Variants in MAP3K5 observed in about 807,000 individuals in gnomAD.
MAP3K5 encodes the protein mitogen-activated protein kinase kinase kinase 5, also known as ASK-1.
MAP3K5 carries 56 observed loss-of-function variants against 158.7 expected under a neutral mutation model. The ratio of observed to expected loss-of-function variants is 0.35; its 90% CI spans 0.28 to 0.44. MAP3K5 has a LOEUF of 0.44. MAP3K5 is among the 20% of genes least tolerant of loss of function. The pLI, the probability that MAP3K5 is intolerant of heterozygous loss-of-function variation, is 1.00. For missense variants in MAP3K5, 1,294 were observed against 1,674.8 expected (o/e 0.77, Z 3.97); for synonymous variants, 579 against 601.7 (o/e 0.96, Z 0.55).
intron 7 of MAP3K5, among the ~76,000 whole-genome samples, chr6:136,689,199 CTG>C (rs1342150858): frequency 6.6e-6 from 1 of 152,186 alleles, no homozygotes; most frequent in Non-Finnish European, 1.5e-5. Flanking sequence ...GCTCAGGAGA[CTG>C]AGGCAGGAGG....
intron 1 of MAP3K5, among the ~76,000 whole-genome samples, chr6:136,771,986 G>A (rs1006292991): frequency 6.6e-6 from 1 of 151,192 alleles, no homozygotes; most frequent in Non-Finnish European, 1.5e-5. Context: ...GTGGCTCACT[G>A]CAACCTCTGC....
chr6:136,762,059 G>A (rs2114972587), intron 1 of MAP3K5, among the ~76,000 whole-genome samples: 1 of 152,258 alleles, frequency 6.6e-6, no homozygotes, highest in Non-Finnish European at 1.5e-5. Context: ...AATGAACTCT[G>A]CAGCCTTTTA....
intron 6 of MAP3K5, 42 bp downstream of exon 6, chr6:136,695,906 CAAT>C (rs763855388): frequency 8.6e-7 from 1 of 1,160,028 alleles, no homozygotes; most frequent in South Asian, 1.3e-5. Context: ...GCAGGTTACA[CAAT>C]AATATGTTAA....
chr6:136,715,385 A>C (rs1266130152), intron 2 of MAP3K5, among the ~76,000 whole-genome samples: 1 of 152,202 alleles, frequency 6.6e-6, no homozygotes, highest in Non-Finnish European at 1.5e-5. Flanking sequence ...TAAATATTTC[A>C]AGTATATAAA....
At chr6:136,571,125 C>T (rs924551237) in intron 25 of MAP3K5, among the ~76,000 whole-genome samples, 9 of 152,178 alleles carry the variant, frequency 5.9e-5, no homozygotes, top group Non-Finnish European at 1.3e-4. Flanking sequence ...GACCAATCAG[C>T]ATGCACCCCC....
chr6:136,789,767 C>G (rs1489554408), intron 1 of MAP3K5, among the ~76,000 whole-genome samples: 1 of 149,438 alleles, frequency 6.7e-6, no homozygotes, highest in African/African-American at 2.5e-5. Flanking sequence ...CAGCTCACTG[C>G]AACCTCTGCC....
chr6:136,566,878 A>G (rs1774135183), intron 26 of MAP3K5, among the ~76,000 whole-genome samples: 1 of 152,236 alleles, frequency 6.6e-6, no homozygotes, highest in Non-Finnish European at 1.5e-5. Context: ...AGCATTTTCA[A>G]TTAAGGTTTC....
At chr6:136,774,603 A>G (rs1046808197) in intron 1 of MAP3K5, among the ~76,000 whole-genome samples, 4 of 152,248 alleles carry the variant, frequency 2.6e-5, no homozygotes, top group Admixed American at 1.3e-4. Context: ...TGTCATCTAC[A>G]GGTCACACAC....
At chr6:136,780,787 A>G (rs1784581979) in intron 1 of MAP3K5, among the ~76,000 whole-genome samples, 1 of 152,242 alleles carries the variant, frequency 6.6e-6, no homozygotes, top group South Asian at 2.1e-4. Context: ...TACTTTCTTT[A>G]TAACTAAAAT....
At chr6:136,749,153 A>C (rs751240905) in intron 1 of MAP3K5, among the ~76,000 whole-genome samples, 3 of 152,178 alleles carry the variant, frequency 2.0e-5, no homozygotes, top group Non-Finnish European at 2.9e-5. Context: ...CTGGCAGATC[A>C]CTTGAGGTCA....
In MAP3K5 at chr6:136,609,944, C is replaced by CA. The variant is rs1776259257; in HGVS notation, c.2521+1337dup. ...CCCAGTCTCAAAACAAAAACAAAAA[C>CA]AAAAAACCAGTCTGAGTTCTATCCG... On this transcript the variant is annotated intron_variant, in intron 18 of 29. Coordinates refer to ENST00000359015, the MANE Select transcript of MAP3K5 (RefSeq NM_005923.4). The surrounding 1 kb of genome is among the most constrained non-coding windows in gnomAD (Gnocchi z 4.4). Among the ~76,000 whole-genome samples, 1 of 151,582 alleles carries CA rather than the reference C, an allele frequency of 6.6e-6. No individual in the cohort carries two copies. The highest frequency in any genetic ancestry group is 2.4e-5 in the African/African-American group (1 of 41,250).
At chr6:136,679,424 T>A (rs1779840487) in intron 7 of MAP3K5, among the ~76,000 whole-genome samples, 1 of 152,170 alleles carries the variant, frequency 6.6e-6, no homozygotes, top group African/African-American at 2.4e-5. Context: ...GTAATTTAAT[T>A]AGAATTTCAT....
intron 11 of MAP3K5, among the ~76,000 whole-genome samples, chr6:136,644,646 T>C (rs116301130): frequency 0.016 from 2,420 of 152,314 alleles, 65 homozygotes; most frequent in African/African-American, 0.055. Flanking sequence ...CCTTCTCCTC[T>C]GCTGACAAAA....
chr6:136,666,784 C>A (rs890892859), intron 8 of MAP3K5, among the ~76,000 whole-genome samples: 3 of 152,036 alleles, frequency 2.0e-5, no homozygotes, highest in Non-Finnish European at 2.9e-5. Context: ...TATTGAAGGA[C>A]AATACAATTT....
intron 1 of MAP3K5, 32 bp downstream of exon 1, chr6:136,791,678 C>T: frequency 6.2e-7 from 1 of 1,609,562 alleles, no homozygotes; most frequent in Non-Finnish European, 8.5e-7. Context: ...GGGTCCCGAC[C>T]GCGCGGGATG....
intron 11 of MAP3K5, among the ~76,000 whole-genome samples, chr6:136,648,231 T>C (rs1465682886): frequency 2.6e-5 from 4 of 152,216 alleles, no homozygotes; most frequent in Non-Finnish European, 5.9e-5. Context: ...CAATTGACAC[T>C]TCTAATAATG....
In MAP3K5 at chr6:136,592,439, C is replaced by A. The variant is rs1273180452; in HGVS notation, c.3054G>T (p.Leu1018Phe). 6.2e-7 allele frequency: 1 copy of A among 1,613,792 alleles called. No homozygotes were observed. The highest frequency in any genetic ancestry group is 8.5e-7 in the Non-Finnish European group (1 of 1,179,880). Residue 1018 changes from leucine (L) to phenylalanine (F), a missense_variant and splice_region_variant, in exon 22 of 30, where the codon TTG (leucine) becomes TTT (phenylalanine). By Grantham distance (22) the Leu-to-Phe change is conservative. Transcript: ENST00000359015. ...RDVKGIRTLF[L>F]GIPDENFEDH... is the part of the protein sequence containing the mutation. ...CCCCAAGTAAGTCAGGTCTTTACCC[C>A]AAAAAGAGTGTCCGAATTCCCTTGA...
intron 7 of MAP3K5, among the ~76,000 whole-genome samples, chr6:136,682,047 TTG>T (rs1479505613): frequency 6.6e-6 from 1 of 152,248 alleles, no homozygotes; most frequent in Non-Finnish European, 1.5e-5. Context: ...TCCAGGGCAC[TTG>T]TTTACAAAGC....
intron 18 of MAP3K5, among the ~76,000 whole-genome samples, chr6:136,608,578 C>A (rs568808083): frequency 6.6e-6 from 1 of 152,032 alleles, no homozygotes; most frequent in African/African-American, 2.4e-5. Flanking sequence ...AAGAGTGTGC[C>A]GGGGACAGGT....
Sources: allele counts gnomAD v4.1 joint callset (sites outside exome capture counted in the v4.1 genomes callset), GRCh38; gene constraint gnomAD v4.1.1; non-coding constraint Gnocchi (gnomAD v3.1); transcripts MANE v1.5; gene names NCBI Gene and HGNC (gene_info 2026-07-23, HGNC 2026-07-21).